Variants in RBFOX1 observed in about 807,000 individuals in gnomAD.
RBFOX1 encodes RNA binding fox-1 homolog 1, also known as RNA binding protein fox-1 homolog 1.
In RBFOX1, 8 loss-of-function variants were observed where a neutral mutation model predicts 57.7. That is an observed-to-expected ratio of 0.14 (90% CI 0.08 to 0.25). The LOEUF (loss-of-function observed/expected upper bound fraction) is 0.25, where lower values mean the gene tolerates loss of function less well. Among genes scored for constraint, RBFOX1 ranks in the 10% least tolerant of loss-of-function variants. The pLI is 1.00. For missense variants in RBFOX1, 611 were observed against 548.5 expected (o/e 1.11, Z -1.14); for synonymous variants, 326 against 222.4 (o/e 1.47, Z -4.15).
intron 4 of RBFOX1, among the ~76,000 whole-genome samples, chr16:7,456,551 G>T (rs1295035023): frequency 2.0e-5 from 3 of 152,206 alleles, no homozygotes; most frequent in Admixed American, 2.0e-4. Context: ...CAAAATCTTC[G>T]TGTAATTTGG....
In RBFOX1 at chr16:5,760,018, A is replaced by C. The variant is rs544263998; in HGVS notation, c.319-107285A>C. ...TATCCCCACTGGGTTAAAAAAAAAA[A>C]AAAACCTTGTATTTGAGCCTCAATA... On this transcript the variant is annotated intron_variant, in intron 3 of 19. Transcript: ENST00000641259. 4.7e-3 allele frequency among the ~76,000 whole-genome samples: 716 copies of C among 152,078 alleles called. 5 individuals are homozygous for C. The highest frequency in any genetic ancestry group is 0.016 in the African/African-American group (655 of 41,484).
chr16:5,274,399 G>A, intron 1 of RBFOX1, among the ~76,000 whole-genome samples: 1 of 152,086 alleles, frequency 6.6e-6, no homozygotes, highest in East Asian at 1.9e-4. Context: ...CGTGGTCGTG[G>A]GTGCCTGTAG....
chr16:5,652,297 G>A (rs999586234), intron 3 of RBFOX1, among the ~76,000 whole-genome samples: 1 of 152,162 alleles, frequency 6.6e-6, no homozygotes, highest in Non-Finnish European at 1.5e-5. Context: ...ATCAAACCAT[G>A]TTACAGATGG....
At chr16:6,928,215 G>GC (rs1462142626) in intron 3 of RBFOX1, among the ~76,000 whole-genome samples, 3 of 152,158 alleles carry the variant, frequency 2.0e-5, no homozygotes, top group African/African-American at 7.2e-5. Flanking sequence ...TCTGGGTACT[G>GC]CCCCCGAAGA....
chr16:5,702,298 A>C (rs2151484486), intron 3 of RBFOX1, among the ~76,000 whole-genome samples: 1 of 152,322 alleles, frequency 6.6e-6, no homozygotes, highest in Admixed American at 6.5e-5. Context: ...ATAGAGCAAA[A>C]GGGGATGTGC....
At chr16:7,356,724 C>A (rs114639452) in intron 4 of RBFOX1, among the ~76,000 whole-genome samples, 1,785 of 152,258 alleles carry the variant, frequency 0.012, 33 homozygotes, top group African/African-American at 0.039. Flanking sequence ...AAGACAAATA[C>A]GTTAAAGAAG....
intron 3 of RBFOX1, among the ~76,000 whole-genome samples, chr16:5,639,281 C>T (rs924713279): frequency 1.3e-5 from 2 of 152,182 alleles, no homozygotes; most frequent in Admixed American, 6.5e-5. Context: ...ATTAAAAAAC[C>T]ACATAAAGGC....
chr16:6,122,810 G>GTGTGTC (rs2096561485), intron 1 of RBFOX1, among the ~76,000 whole-genome samples: 2 of 151,644 alleles, frequency 1.3e-5, no homozygotes, highest in Non-Finnish European at 2.9e-5. Flanking sequence ...GTATGTGTGT[G>GTGTGTC]TGTGTGTGTG....
chr16:6,946,734 C>T (rs2153514943), intron 3 of RBFOX1, among the ~76,000 whole-genome samples: 1 of 152,218 alleles, frequency 6.6e-6, no homozygotes. Flanking sequence ...TCCCAAATAG[C>T]TGGGACTACA....
chr16:6,873,878 A>G (rs2061372670), intron 3 of RBFOX1: 1 of 152,234 alleles, frequency 6.6e-6, no homozygotes, highest in Non-Finnish European at 1.5e-5. Flanking sequence ...TAGGAAGCAT[A>G]GTATCTGAAA....
intron 4 of RBFOX1, among the ~76,000 whole-genome samples, chr16:7,172,988 A>C (rs1478763303): frequency 6.6e-6 from 1 of 152,196 alleles, no homozygotes; most frequent in Non-Finnish European, 1.5e-5. Context: ...AAAGAATTGC[A>C]AAACAAAGAA....
intron 4 of RBFOX1, among the ~76,000 whole-genome samples, chr16:5,938,771 C>T (rs1190222080): frequency 6.6e-6 from 1 of 152,164 alleles, no homozygotes; most frequent in African/African-American, 2.4e-5. Flanking sequence ...TTACCTGCAG[C>T]TCACCACAAA....
chr16:6,352,227 GT>G (rs2086537746), intron 2 of RBFOX1, among the ~76,000 whole-genome samples: 2 of 152,130 alleles, frequency 1.3e-5, no homozygotes, highest in African/African-American at 4.8e-5. Context: ...TATCTGGAAT[GT>G]TGTGTATTAA....
At chr16:6,859,179 A>ACATATACG (rs1201643311) in intron 3 of RBFOX1, among the ~76,000 whole-genome samples, 2 of 87,102 alleles carry the variant, frequency 2.3e-5, no homozygotes, top group African/African-American at 1.1e-4. Flanking sequence ...ATATATGTAT[A>ACATATACG]TATATGTATA....
chr16:7,684,489 A>G (rs1414368075), intron 14 of RBFOX1, among the ~76,000 whole-genome samples: 5 of 152,080 alleles, frequency 3.3e-5, no homozygotes, highest in Non-Finnish European at 7.4e-5. Flanking sequence ...CTGAAACATA[A>G]TCAAAGCCAA....
At chr16:5,851,146 G>A (rs2056888241) in intron 3 of RBFOX1, among the ~76,000 whole-genome samples, 1 of 152,108 alleles carries the variant, frequency 6.6e-6, no homozygotes, top group Non-Finnish European at 1.5e-5. Context: ...CAAAATTCTG[G>A]GTTGTGAAGC....
intron 1 of RBFOX1, among the ~76,000 whole-genome samples, chr16:5,255,368 C>CCAGA (rs1567240613): frequency 3.3e-5 from 5 of 151,866 alleles, no homozygotes; most frequent in Non-Finnish European, 4.4e-5. Context: ...ATCCATCCAT[C>CCAGA]CATCCATCCA....
chr16:6,004,201 A>T (rs933341359), intron 4 of RBFOX1, among the ~76,000 whole-genome samples: 25 of 152,184 alleles, frequency 1.6e-4, no homozygotes, highest in African/African-American at 2.9e-4. Context: ...ATAAAATAAA[A>T]TTTTTTTTAA....
chr16:6,905,519 C>T (rs904736225), intron 3 of RBFOX1, among the ~76,000 whole-genome samples: 1 of 150,196 alleles, frequency 6.7e-6, no homozygotes, highest in South Asian at 2.1e-4. Flanking sequence ...TGCCACTGCA[C>T]TCTAGCCTAG....
Sources: allele counts gnomAD v4.1 joint callset (sites outside exome capture counted in the v4.1 genomes callset), GRCh38; gene constraint gnomAD v4.1.1; transcripts MANE v1.5; gene names NCBI Gene and HGNC (gene_info 2026-07-23, HGNC 2026-07-21).